The following THSD7B variants were observed in gnomAD, a reference collection of about 807,000 sequenced individuals.
THSD7B encodes the protein thrombospondin type 1 domain containing 7B.
In THSD7B, 138 loss-of-function variants were observed where a neutral mutation model predicts 213.6. The observed-to-expected ratio is 0.65, with a 90% CI of 0.56 to 0.74. The LOEUF (loss-of-function observed/expected upper bound fraction) is 0.74. THSD7B is among the 30% of genes least tolerant of loss of function. THSD7B has a pLI of 0.00. For synonymous variants in THSD7B, 742 were observed against 687.0 expected (o/e 1.08, Z -1.25); for missense variants, 1,931 against 1,991.5 (o/e 0.97, Z 0.58).
At chr2:137,286,097 TA>T (rs774262763) in intron 12 of THSD7B, among the ~76,000 whole-genome samples, 4,999 of 120,886 alleles carry the variant, frequency 0.041, 220 homozygotes, top group African/African-American at 0.12. Flanking sequence ...AGACTCTGTC[TA>T]AAAAAAAAAA....
intron 17 of THSD7B, among the ~76,000 whole-genome samples, chr2:137,582,748 A>T (rs546386946): frequency 1.3e-5 from 2 of 152,244 alleles, no homozygotes; most frequent in African/African-American, 4.8e-5. Flanking sequence ...ATTGTTGGAC[A>T]TTTGGGTTGG....
At chr2:136,937,057 G>A (rs562839224) in intron 2 of THSD7B, among the ~76,000 whole-genome samples, 10 of 152,082 alleles carry the variant, frequency 6.6e-5, no homozygotes, top group Admixed American at 2.0e-4. Flanking sequence ...ACCATATTCC[G>A]AACTGAGAAT....
intron 2 of THSD7B, among the ~76,000 whole-genome samples, chr2:136,921,075 T>G (rs1684429953): frequency 6.6e-6 from 1 of 151,936 alleles, no homozygotes; most frequent in Non-Finnish European, 1.5e-5. Context: ...ACTGCCAACT[T>G]GGTAGAAGGC....
chr2:136,817,317 G>A (rs538303831), intron 1 of THSD7B, among the ~76,000 whole-genome samples: 1 of 151,866 alleles, frequency 6.6e-6, no homozygotes, highest in African/African-American at 2.4e-5. Flanking sequence ...TAGGTTGCCT[G>A]TTCACTCTGA....
intron 1 of THSD7B, among the ~76,000 whole-genome samples, chr2:136,828,867 TCTC>T (rs1682702222): frequency 6.6e-6 from 1 of 152,216 alleles, no homozygotes; most frequent in Admixed American, 6.6e-5. Context: ...AACATGGTCT[TCTC>T]CTGTCAATGC....
intron 12 of THSD7B, among the ~76,000 whole-genome samples, chr2:137,341,056 C>T (rs775440369): frequency 1.8e-4 from 27 of 150,398 alleles, no homozygotes; most frequent in Non-Finnish European, 3.4e-4. Flanking sequence ...TACCTTCCCA[C>T]CAACAGTTCC....
chr2:137,051,191 A>G (rs977076405), intron 2 of THSD7B, among the ~76,000 whole-genome samples: 2 of 152,200 alleles, frequency 1.3e-5, no homozygotes, highest in Non-Finnish European at 2.9e-5. Flanking sequence ...GGAAGGACCA[A>G]ACACCCTCTT....
intron 2 of THSD7B, among the ~76,000 whole-genome samples, chr2:136,934,094 T>C (rs1484786740): frequency 2.0e-5 from 3 of 152,184 alleles, no homozygotes; most frequent in Non-Finnish European, 4.4e-5. Context: ...ATCCACAAAT[T>C]AGCATACAAA....
chr2:136,947,017 T>C (rs144790672), intron 2 of THSD7B, among the ~76,000 whole-genome samples: 1 of 152,226 alleles, frequency 6.6e-6, no homozygotes, highest in African/African-American at 2.4e-5. Flanking sequence ...CCCAGTGAGA[T>C]GAACCAGTTA....
At chr2:137,281,850 G>A (rs556859269) in intron 12 of THSD7B, among the ~76,000 whole-genome samples, 1 of 152,272 alleles carries the variant, frequency 6.6e-6, no homozygotes, top group Admixed American at 6.5e-5. Context: ...TGTGAATAGT[G>A]CTGCAATAAA....
intron 18 of THSD7B, among the ~76,000 whole-genome samples, chr2:137,618,079 T>C (rs1682441726): frequency 6.6e-6 from 1 of 152,184 alleles, no homozygotes; most frequent in Admixed American, 6.5e-5. Context: ...GATTCTAAAG[T>C]GATTTTTCTT....
chr2:137,253,730 A>G (rs1183171981), intron 10 of THSD7B, among the ~76,000 whole-genome samples: 1 of 152,180 alleles, frequency 6.6e-6, no homozygotes, highest in Non-Finnish European at 1.5e-5. Context: ...GCTTTGATTT[A>G]CCTGGGGTGT....
chr2:137,097,005 A>G (rs546684103), intron 4 of THSD7B, among the ~76,000 whole-genome samples: 5 of 152,338 alleles, frequency 3.3e-5, no homozygotes, highest in Non-Finnish European at 4.4e-5. Context: ...TAATAATTTC[A>G]TGAGGTAGAA....
intron 10 of THSD7B, among the ~76,000 whole-genome samples, chr2:137,260,403 T>C (rs1312212395): frequency 6.6e-6 from 1 of 152,176 alleles, no homozygotes; most frequent in Non-Finnish European, 1.5e-5. Context: ...GGTCATATAC[T>C]GATGGTTATG....
intron 2 of THSD7B, among the ~76,000 whole-genome samples, chr2:137,021,643 A>G (rs1258797310): frequency 6.6e-6 from 1 of 152,212 alleles, no homozygotes; most frequent in African/African-American, 2.4e-5. Context: ...TTGCAAAACA[A>G]TAGTACAATT....
intron 8 of THSD7B, among the ~76,000 whole-genome samples, 161 bp from the exon 9 acceptor site, chr2:137,232,738 A>T (rs1168758815): frequency 6.6e-6 from 1 of 152,144 alleles, no homozygotes; most frequent in East Asian, 1.9e-4. Flanking sequence ...GTTGCTTGGG[A>T]CAAAAATCCC....
At position 137,343,735 on chromosome 2, in the gene THSD7B, G is replaced by A. The variant is rs560507721; in HGVS notation, c.2501-61878G>A. 2.0e-5 allele frequency among the ~76,000 whole-genome samples: 3 copies of A among 151,862 alleles called. No homozygotes were observed. In the South Asian group the frequency reaches 6.2e-4, roughly 31 times the overall value. ...TCTGCACTAAAAGACATGTTTATTT[G>A]TTTTAGAAGAGAGCACATTTCCATA... On this transcript the variant is annotated intron_variant, in intron 12 of 27. Coordinates refer to ENST00000409968, the MANE Select transcript of THSD7B (RefSeq NM_001316349.2).
At chr2:136,934,372 TAAC>T (rs1175958150) in intron 2 of THSD7B, among the ~76,000 whole-genome samples, 2 of 152,150 alleles carry the variant, frequency 1.3e-5, no homozygotes, top group Non-Finnish European at 2.9e-5. Context: ...ATGAGAAACA[TAAC>T]AATATAAAGA....
At chr2:137,658,616 A>T (rs562551023) in intron 24 of THSD7B, among the ~76,000 whole-genome samples, 1 of 152,296 alleles carries the variant, frequency 6.6e-6, no homozygotes, top group South Asian at 2.1e-4. Flanking sequence ...TGGTAGAAAT[A>T]GGACTGTGTG....
Sources: allele counts gnomAD v4.1 joint callset (sites outside exome capture counted in the v4.1 genomes callset), GRCh38; gene constraint gnomAD v4.1.1; transcripts MANE v1.5; gene names NCBI Gene and HGNC (gene_info 2026-07-23, HGNC 2026-07-21).